EYS: variants seen among roughly 807,000 people sequenced by gnomAD.
EYS encodes the protein protein eyes shut homolog.
A neutral mutation model predicts 282.1 loss-of-function variants in EYS; 250 were observed. The ratio of observed to expected loss-of-function variants is 0.89; its 90% CI spans 0.80 to 0.98. The LOEUF is 0.98. Ranked by LOEUF, EYS falls within the 50% of genes least tolerant of loss-of-function variation. EYS has a pLI of 0.00. For synonymous variants in EYS, 1,355 were observed against 1,282.9 expected (o/e 1.06, Z -1.20); for missense variants, 4,016 against 3,709.0 (o/e 1.08, Z -2.15).
At chr6:63,744,208 A>T (rs1769154506) in intron 41 of EYS, 1 of 152,154 alleles carries the variant, frequency 6.6e-6, no homozygotes, top group African/African-American at 2.4e-5. Context: ...TTTTTAATTC[A>T]TCAGTTAAGC....
chr6:65,371,512 G>A (rs576803066), intron 8 of EYS, among the ~76,000 whole-genome samples: 1 of 150,022 alleles, frequency 6.7e-6, no homozygotes, highest in East Asian at 2.0e-4. Context: ...GAAAATTTGG[G>A]TGTAAATGCT....
At chr6:64,902,549 TA>T (rs768897817) in intron 16 of EYS, 49 bp from the exon 17 acceptor site, 4 of 1,144,560 alleles carry the variant, frequency 3.5e-6, no homozygotes, top group Admixed American at 3.4e-5. Flanking sequence ...TGTTATAGAG[TA>T]AAAAAATCAG....
intron 2 of EYS, among the ~76,000 whole-genome samples, chr6:65,511,784 C>T (rs1047734007): frequency 2.0e-5 from 3 of 151,936 alleles, no homozygotes; most frequent in Admixed American, 6.6e-5. Flanking sequence ...AAAAAGTCAT[C>T]TCTACTAAAA....
rs186136913 is a variant in EYS, at chr6:63,920,252, C to T, written c.7056-55894G>A. Among the ~76,000 whole-genome samples the T allele has an allele frequency of 1.1e-3, 160 of 152,158 alleles. 1 individual carries two copies. The highest frequency in any genetic ancestry group is 6.4e-3 in the South Asian group (31 of 4,822). On this transcript the variant is annotated intron_variant, in intron 35 of 42. Coordinates refer to ENST00000503581, the MANE Select transcript of EYS (RefSeq NM_001142800.2). ...CACAGGTCTGTTATTTTCCTCCTGT[C>T]CTTTTCTCTGTCCAGGGAGCTGACC...
At chr6:64,133,192 T>C (rs1302818776) in intron 31 of EYS, among the ~76,000 whole-genome samples, 3 of 152,042 alleles carry the variant, frequency 2.0e-5, no homozygotes, top group Admixed American at 1.3e-4. Flanking sequence ...TATTAACTTA[T>C]CCTTACTCTT....
intron 11 of EYS, among the ~76,000 whole-genome samples, chr6:65,318,689 TGGA>T (rs1769383983): frequency 6.6e-6 from 1 of 150,424 alleles, no homozygotes; most frequent in African/African-American, 2.4e-5. Context: ...TCACCCAGGC[TGGA>T]GTGCAGGGGC....
chr6:65,409,229 C>T (rs984127094), intron 5 of EYS, among the ~76,000 whole-genome samples: 7 of 152,134 alleles, frequency 4.6e-5, no homozygotes, highest in African/African-American at 1.4e-4. Flanking sequence ...CTAGGCAAGT[C>T]ACTTGCCTCC....
intron 29 of EYS, among the ~76,000 whole-genome samples, chr6:64,388,355 T>C (rs36179168): frequency 0.37 from 56,120 of 151,948 alleles, 11,115 homozygotes; most frequent in African/African-American, 0.53. Context: ...TAAGTGAATC[T>C]TTTGAAATAT....
intron 41 of EYS, among the ~76,000 whole-genome samples, chr6:63,745,540 C>T (rs1562006233): frequency 6.6e-6 from 1 of 152,166 alleles, no homozygotes; most frequent in Non-Finnish European, 1.5e-5. Flanking sequence ...AACACACTTT[C>T]ACAGTCAAAA....
At chr6:63,825,507 C>G (rs889941623) in intron 36 of EYS, among the ~76,000 whole-genome samples, 1 of 152,186 alleles carries the variant, frequency 6.6e-6, no homozygotes. Context: ...CCTTCGCCAC[C>G]TCAACGAGAA....
intron 2 of EYS, among the ~76,000 whole-genome samples, chr6:65,573,506 C>T (rs1429485710): frequency 3.3e-5 from 5 of 152,126 alleles, no homozygotes; most frequent in African/African-American, 1.2e-4. Flanking sequence ...TGTTCAGTCA[C>T]CTCAGGAAAG....
At position 65,296,201 on chromosome 6, in the gene EYS, T is replaced by TA. The variant is rs1368418572; in HGVS notation, c.1767-83dup. 7.1e-6 allele frequency: 9 copies of TA among 1,268,310 alleles called. No individual in the cohort carries two copies. The Admixed American group carries it at 2.2e-4, about 31-fold the overall frequency. 78.6% of individuals were successfully genotyped at this position (1,268,310 alleles called of 1,614,324 possible). ...TAAGTATTTAAATCACACATTTATTTAAAAACACAGAAATAAATATTTAAT... is the reference window on the plus strand; with the variant it reads ...TAAGTATTTAAATCACACATTTATTTAAAAAACACAGAAATAAATATTTAAT... On this transcript the variant is annotated intron_variant, in intron 11 of 42. Transcript: ENST00000503581.
chr6:65,564,344 G>T (rs1458863371), intron 2 of EYS, among the ~76,000 whole-genome samples: 2 of 152,012 alleles, frequency 1.3e-5, no homozygotes, highest in Non-Finnish European at 2.9e-5. Flanking sequence ...GAACAAAGTG[G>T]GAGGCATCAT....
chr6:64,383,998 A>G (rs143203894), intron 29 of EYS, among the ~76,000 whole-genome samples: 2 of 152,292 alleles, frequency 1.3e-5, no homozygotes, highest in East Asian at 3.9e-4. Context: ...CAAATTTTCT[A>G]CAGATAACTG....
At chr6:64,866,909 T>C (rs1473924851) in intron 19 of EYS, among the ~76,000 whole-genome samples, 1 of 151,776 alleles carries the variant, frequency 6.6e-6, no homozygotes. Context: ...CAAACTCAGT[T>C]CATCATTAGT....
chr6:64,727,395 A>G (rs749702391), intron 22 of EYS, among the ~76,000 whole-genome samples: 1 of 152,182 alleles, frequency 6.6e-6, no homozygotes, highest in African/African-American at 2.4e-5. Context: ...CTTTGCATAC[A>G]TATAAACCAT....
At chr6:65,452,927 C>CT (rs1764459127) in intron 5 of EYS, among the ~76,000 whole-genome samples, 1 of 151,952 alleles carries the variant, frequency 6.6e-6, no homozygotes, top group African/African-American at 2.4e-5. Flanking sequence ...CAAAAGAAGA[C>CT]TTTCTTTTAA....
At chr6:64,187,650 G>A (rs1764987177) in intron 31 of EYS, among the ~76,000 whole-genome samples, 1 of 152,062 alleles carries the variant, frequency 6.6e-6, no homozygotes, top group Non-Finnish European at 1.5e-5. Flanking sequence ...ATCACACATT[G>A]CATGTAATCA....
chr6:64,504,688 G>A (rs1777158994), intron 26 of EYS, among the ~76,000 whole-genome samples: 1 of 152,188 alleles, frequency 6.6e-6, no homozygotes, highest in South Asian at 2.1e-4. Context: ...ATATTTGTAT[G>A]TAGAAGAACA....
Sources: allele counts gnomAD v4.1 joint callset (sites outside exome capture counted in the v4.1 genomes callset), GRCh38; gene constraint gnomAD v4.1.1; transcripts MANE v1.5; gene names NCBI Gene and HGNC (gene_info 2026-07-23, HGNC 2026-07-21).